Variants in ARHGAP15 observed in about 807,000 individuals in gnomAD.
The protein encoded by ARHGAP15 is rho GTPase-activating protein 15.
ARHGAP15 carries 51 observed loss-of-function variants against 63.7 expected under a neutral mutation model. That is an observed-to-expected ratio of 0.80 (90% CI 0.64 to 1.01). ARHGAP15 has a LOEUF of 1.01. Ranked by LOEUF, ARHGAP15 falls within the 50% of genes least tolerant of loss-of-function variation. The pLI, the probability that ARHGAP15 is intolerant of heterozygous loss-of-function variation, is 0.00. For missense variants in ARHGAP15, 560 were observed against 564.6 expected, an observed-to-expected ratio of 0.99 and a Z score of 0.08; for synonymous variants, 191 against 193.8, an observed-to-expected ratio of 0.99 and a Z score of 0.12.
chr2:143,321,254 G>C (rs982231481), intron 6 of ARHGAP15, among the ~76,000 whole-genome samples: 1 of 152,340 alleles, frequency 6.6e-6, no homozygotes. Context: ...AACTGCCCCA[G>C]TCCAATGTTA....
chr2:143,272,545 C>T (rs1246980227), intron 6 of ARHGAP15, among the ~76,000 whole-genome samples: 2 of 151,948 alleles, frequency 1.3e-5, no homozygotes, highest in Non-Finnish European at 2.9e-5. Context: ...CCCAGGTATT[C>T]GGGAGGCTGA....
intron 12 of ARHGAP15, among the ~76,000 whole-genome samples, chr2:143,637,815 ACAACCCCAT>A: frequency 6.6e-6 from 1 of 152,134 alleles, no homozygotes; most frequent in Non-Finnish European, 1.5e-5. Context: ...AAAAAAACAA[ACAACCCCAT>A]CAAAAAGTGG....
chr2:143,592,557 C>T (rs1400910205), intron 11 of ARHGAP15, among the ~76,000 whole-genome samples: 1 of 152,126 alleles, frequency 6.6e-6, no homozygotes, highest in African/African-American at 2.4e-5. Context: ...CTGTGTTTCT[C>T]GTTGTGCAGG....
intron 3 of ARHGAP15, among the ~76,000 whole-genome samples, chr2:143,213,891 C>T: frequency 6.6e-6 from 1 of 152,208 alleles, no homozygotes; most frequent in East Asian, 1.9e-4. Flanking sequence ...TGAGTCTTAA[C>T]TTGAGAAATC....
chr2:143,326,739 T>C (rs567787813), intron 6 of ARHGAP15, among the ~76,000 whole-genome samples: 1 of 152,290 alleles, frequency 6.6e-6, no homozygotes, highest in South Asian at 2.1e-4. Flanking sequence ...AAAGTCTCAA[T>C]AAACTAGGTA....
chr2:143,604,818 T>TA (rs1173597373), intron 11 of ARHGAP15, among the ~76,000 whole-genome samples: 4 of 152,194 alleles, frequency 2.6e-5, no homozygotes, highest in Non-Finnish European at 4.4e-5. Flanking sequence ...TCTGCTCTCT[T>TA]TTGCTTTATT....
chr2:143,523,201 A>G (rs1295829867), intron 10 of ARHGAP15, among the ~76,000 whole-genome samples: 1 of 152,274 alleles, frequency 6.6e-6, no homozygotes, highest in East Asian at 1.9e-4. Flanking sequence ...TTACCAGCTG[A>G]TAATACAGAG....
chr2:143,651,391 T>C (rs960152555), intron 12 of ARHGAP15, among the ~76,000 whole-genome samples: 1 of 152,020 alleles, frequency 6.6e-6, no homozygotes, highest in African/African-American at 2.4e-5. Context: ...ATTAATGCTG[T>C]TGTTGTGTAT....
intron 11 of ARHGAP15, among the ~76,000 whole-genome samples, chr2:143,599,257 T>C (rs1394607162): frequency 1.3e-5 from 2 of 152,162 alleles, no homozygotes; most frequent in Non-Finnish European, 2.9e-5. Flanking sequence ...CAAAAAACCA[T>C]GTTAATGAAC....
At chr2:143,708,386 C>A (rs1684426112) in intron 13 of ARHGAP15, among the ~76,000 whole-genome samples, 1 of 152,160 alleles carries the variant, frequency 6.6e-6, no homozygotes, top group African/African-American at 2.4e-5. Flanking sequence ...GCAGTGCAGG[C>A]TAAATTACTG....
At chr2:143,177,012 C>A (rs1691033927) in intron 2 of ARHGAP15, among the ~76,000 whole-genome samples, 1 of 152,152 alleles carries the variant, frequency 6.6e-6, no homozygotes, top group Admixed American at 6.6e-5. Flanking sequence ...GTTGTATAAC[C>A]CTTTATGTAC....
chr2:143,461,002 A>G (rs59536190), intron 8 of ARHGAP15, among the ~76,000 whole-genome samples: 10,987 of 152,208 alleles, frequency 0.072, 595 homozygotes, highest in East Asian at 0.22. Flanking sequence ...AGCATCTAGA[A>G]GACTTGGCTG....
chr2:143,434,345 A>G (rs1335936683), intron 6 of ARHGAP15, among the ~76,000 whole-genome samples: 1 of 152,152 alleles, frequency 6.6e-6, no homozygotes. Flanking sequence ...GAATCTCTAT[A>G]GAGTTTTTCT....
intron 6 of ARHGAP15, among the ~76,000 whole-genome samples, chr2:143,305,924 A>G (rs1481254224): frequency 1.3e-5 from 2 of 152,146 alleles, no homozygotes; most frequent in Non-Finnish European, 2.9e-5. Context: ...AGTTAATACT[A>G]TATTCTTTAA....
chr2:143,300,476 A>G (rs1365636513), intron 6 of ARHGAP15, among the ~76,000 whole-genome samples: 1 of 152,060 alleles, frequency 6.6e-6, no homozygotes, highest in Non-Finnish European at 1.5e-5. Context: ...TAACTAATAC[A>G]ACAGATGAGC....
At chr2:143,326,442 T>C in intron 6 of ARHGAP15, among the ~76,000 whole-genome samples, 1 of 152,198 alleles carries the variant, frequency 6.6e-6, no homozygotes, top group East Asian at 1.9e-4. Context: ...TCTGCCTGGC[T>C]CTACACAGCA....
intron 8 of ARHGAP15, among the ~76,000 whole-genome samples, chr2:143,456,294 T>C (rs189187789): frequency 6.6e-6 from 1 of 152,194 alleles, no homozygotes; most frequent in East Asian, 1.9e-4. Flanking sequence ...TTGCAGAATA[T>C]TGAAAACAAA....
At chr2:143,521,861 T>C (rs1368143184) in intron 10 of ARHGAP15, 1 of 152,198 alleles carries the variant, frequency 6.6e-6, no homozygotes, top group Non-Finnish European at 1.5e-5. Context: ...AAAATGCTTA[T>C]TAGATGGATG....
At chr2:143,266,547 T>C (rs977690594) in intron 6 of ARHGAP15, among the ~76,000 whole-genome samples, 4 of 152,196 alleles carry the variant, frequency 2.6e-5, no homozygotes, top group African/African-American at 9.6e-5. Flanking sequence ...TATGTATCTA[T>C]GATATGTTTC....
Sources: gnomAD v4.1 joint callset for allele counts (sites outside exome capture counted in the v4.1 genomes callset) on GRCh38, gnomAD v4.1.1 for gene constraint, MANE v1.5 for transcripts, NCBI Gene and HGNC (gene_info 2026-07-23, HGNC 2026-07-21) for gene names.